CCDC73: variants seen among roughly 807,000 people sequenced by gnomAD.
CCDC73 encodes the protein coiled-coil domain-containing protein 73.
Under a neutral mutation model 116.5 loss-of-function variants are expected in CCDC73, and 95 were observed. The observed-to-expected ratio is 0.82, with a 90% CI of 0.69 to 0.97. The LOEUF (loss-of-function observed/expected upper bound fraction) is 0.97, where lower values mean the gene tolerates loss of function less well. CCDC73 is among the 50% of genes least tolerant of loss of function. The pLI is 0.00. For missense variants in CCDC73, 1,066 were observed against 1,206.8 expected, an observed-to-expected ratio of 0.88 and a Z score of 1.73; for synonymous variants, 398 against 401.3, an observed-to-expected ratio of 0.99 and a Z score of 0.10.
chr11:32,656,084 C>CTTTTTT, intron 9 of CCDC73, among the ~76,000 whole-genome samples: 1 of 145,480 alleles, frequency 6.9e-6, no homozygotes, highest in Non-Finnish European at 1.5e-5. Context: ...CTTTTCTTTT[C>CTTTTTT]TTTTTTTTTT....
chr11:32,819,435 G>A, the CCDC73 span, among the ~76,000 whole-genome samples: 2 of 150,660 alleles, frequency 1.3e-5, no homozygotes, highest in South Asian at 2.1e-4. Flanking sequence ...GCCAATGAGT[G>A]TGTAAAAATA....
chr11:32,644,337 G>C (rs540132688), intron 12 of CCDC73, among the ~76,000 whole-genome samples: 1 of 152,232 alleles, frequency 6.6e-6, no homozygotes, highest in South Asian at 2.1e-4. Context: ...CCTACTGAGG[G>C]TGGAGGGAGA....
intron 9 of CCDC73, among the ~76,000 whole-genome samples, chr11:32,673,545 T>C (rs1856058064): frequency 6.6e-6 from 1 of 152,196 alleles, no homozygotes; most frequent in African/African-American, 2.4e-5. Context: ...ATTTCATTCA[T>C]ATTCATTTAT....
chr11:32,805,791 C>T, the CCDC73 span, among the ~76,000 whole-genome samples: 4 of 152,080 alleles, frequency 2.6e-5, no homozygotes, highest in East Asian at 7.7e-4. Flanking sequence ...TATGCCTTTC[C>T]CCCCTGCTCC....
At chr11:32,758,550 T>C (rs1850363588) in intron 2 of CCDC73, 1 of 449,398 alleles carries the variant, frequency 2.2e-6, no homozygotes, top group Non-Finnish European at 4.4e-6. Context: ...CATGCTTTCT[T>C]CATCAAGGAG....
chr11:32,802,228 G>A, the CCDC73 span, among the ~76,000 whole-genome samples: 4 of 151,868 alleles, frequency 2.6e-5, no homozygotes, highest in Admixed American at 2.6e-4. Flanking sequence ...TTTTTTTCTG[G>A]TATTATTACT....
chr11:32,790,223 C>T (rs1478675480), intron 1 of CCDC73, among the ~76,000 whole-genome samples: 2 of 152,110 alleles, frequency 1.3e-5, no homozygotes, highest in Non-Finnish European at 2.9e-5. Context: ...AAATGCCTTG[C>T]CATATATTCT....
chr11:32,691,137 C>T (rs914466673), intron 6 of CCDC73, among the ~76,000 whole-genome samples: 2 of 150,542 alleles, frequency 1.3e-5, no homozygotes, highest in African/African-American at 4.9e-5. Flanking sequence ...CTCCACCTCC[C>T]AGCTTCAAGC....
chr11:32,721,421 T>C (rs1849988647), intron 2 of CCDC73, among the ~76,000 whole-genome samples: 1 of 152,130 alleles, frequency 6.6e-6, no homozygotes, highest in Middle Eastern at 3.2e-3. Flanking sequence ...TAGATAGATA[T>C]GTGATAAAGC....
chr11:32,606,148 C>T (rs1194371102), intron 17 of CCDC73: 2 of 152,146 alleles, frequency 1.3e-5, no homozygotes, highest in African/African-American at 4.8e-5. Context: ...TTTCAAGTTA[C>T]TTTGGACCCA....
intron 1 of CCDC73, among the ~76,000 whole-genome samples, chr11:32,782,680 A>G (rs1456075328): frequency 1.3e-5 from 2 of 152,232 alleles, no homozygotes; most frequent in Non-Finnish European, 2.9e-5. Context: ...TTCAAAAGAA[A>G]TATTACTAAC....
upstream of CCDC73, among the ~76,000 whole-genome samples, chr11:32,796,214 T>C (rs985154493): frequency 2.0e-5 from 3 of 152,222 alleles, no homozygotes; most frequent in African/African-American, 7.2e-5. Flanking sequence ...AACTGTATCC[T>C]AGGACACAAG....
At chr11:32,701,984 G>A (rs998576047) in intron 4 of CCDC73, among the ~76,000 whole-genome samples, 1 of 152,178 alleles carries the variant, frequency 6.6e-6, no homozygotes, top group Non-Finnish European at 1.5e-5. Flanking sequence ...CTTTGTGACA[G>A]CAGAGATGTG....
chr11:32,730,937 G>C (rs1419176342), intron 2 of CCDC73, among the ~76,000 whole-genome samples: 2 of 152,168 alleles, frequency 1.3e-5, no homozygotes, highest in Admixed American at 1.3e-4. Flanking sequence ...CAGGGCAGTG[G>C]GTGCAGCCCA....
chr11:32,664,612 T>A (rs1194990807), intron 9 of CCDC73, among the ~76,000 whole-genome samples: 2 of 152,228 alleles, frequency 1.3e-5, no homozygotes, highest in South Asian at 4.1e-4. Flanking sequence ...ATTTTGTTGA[T>A]CTTTTCAAAA....
the CCDC73 span, among the ~76,000 whole-genome samples, chr11:32,808,621 A>G: frequency 6.6e-6 from 1 of 150,810 alleles, no homozygotes; most frequent in East Asian, 2.0e-4. Flanking sequence ...CCTAGGAGAC[A>G]TAGCGAGACT....
chr11:32,806,642 AAAAG>A, the CCDC73 span, among the ~76,000 whole-genome samples: 16 of 151,654 alleles, frequency 1.1e-4, no homozygotes, highest in Admixed American at 7.2e-4. Context: ...AAAAAAAAAA[AAAAG>A]AAAGAAAGAA....
intron 1 of CCDC73, among the ~76,000 whole-genome samples, chr11:32,781,860 C>A (rs1850587310): frequency 6.6e-6 from 1 of 152,188 alleles, no homozygotes; most frequent in Admixed American, 6.5e-5. Context: ...ATCCCCCAGG[C>A]CACAAACTGA....
chr11:32,739,433 TA>T (rs1281872969), intron 2 of CCDC73, among the ~76,000 whole-genome samples: 1 of 152,120 alleles, frequency 6.6e-6, no homozygotes, highest in Non-Finnish European at 1.5e-5. Context: ...AGTTATTCCT[TA>T]GATATTTAAT....
Sources: gnomAD v4.1 joint callset for allele counts (sites outside exome capture counted in the v4.1 genomes callset) on GRCh38, gnomAD v4.1.1 for gene constraint, MANE v1.5 for transcripts, NCBI Gene and HGNC (gene_info 2026-07-23, HGNC 2026-07-21) for gene names.